Variants in TBC1D12 observed in about 807,000 individuals in gnomAD.
TBC1D12 encodes TBC1 domain family, member 12.
TBC1D12 carries 56 observed loss-of-function variants against 86.7 expected under a neutral mutation model. The ratio of observed to expected loss-of-function variants is 0.65; its 90% CI spans 0.52 to 0.81. The LOEUF (loss-of-function observed/expected upper bound fraction) is 0.81. Ranked by LOEUF, TBC1D12 falls within the 30% of genes least tolerant of loss-of-function variation. The pLI is 0.00. For missense variants in TBC1D12, 1,023 were observed against 1,038.8 expected (o/e 0.98, Z 0.21); for synonymous variants, 421 against 411.7 (o/e 1.02, Z -0.27).
chr10:94,416,354 G>A (rs1329697591), intron 1 of TBC1D12, among the ~76,000 whole-genome samples: 1 of 152,122 alleles, frequency 6.6e-6, no homozygotes, highest in East Asian at 1.9e-4. Context: ...TTTGGAGCTT[G>A]GTTTTCTCAA....
At chr10:94,449,236 T>G (rs1484738953) in intron 2 of TBC1D12, among the ~76,000 whole-genome samples, 1 of 152,196 alleles carries the variant, frequency 6.6e-6, no homozygotes, top group Non-Finnish European at 1.5e-5. Context: ...TATTAAAAGT[T>G]GTATTCATCC....
chr10:94,496,344 T>G (rs1201867229), intron 4 of TBC1D12, among the ~76,000 whole-genome samples: 3 of 152,120 alleles, frequency 2.0e-5, no homozygotes, highest in African/African-American at 7.2e-5. Flanking sequence ...TTCCTCTAAC[T>G]TTTGCCTCAG....
At chr10:94,522,950 A>C (rs1842190223) in intron 11 of TBC1D12, among the ~76,000 whole-genome samples, 1 of 149,628 alleles carries the variant, frequency 6.7e-6, no homozygotes, top group Non-Finnish European at 1.5e-5. Context: ...AGGCTGAGGC[A>C]GGAGAATCGC....
In TBC1D12 at chr10:94,521,365, A is replaced by G. The variant is rs570197082; in HGVS notation, c.1762-590A>G. Among the ~76,000 whole-genome samples, 4 of 152,226 alleles carry G rather than the reference A, an allele frequency of 2.6e-5. No homozygotes were observed. In the South Asian group the frequency reaches 8.3e-4, roughly 32 times the overall value. On this transcript the variant is annotated intron_variant, in intron 9 of 12. Transcript: ENST00000225235. ...CATAAACACATCCTACCTTCTCTAA[A>G]TGCCTTTCCTTACTCCAGCTGAGCT...
At chr10:94,505,593 A>G (rs1008694815) in intron 6 of TBC1D12, among the ~76,000 whole-genome samples, 8 of 152,124 alleles carry the variant, frequency 5.3e-5, no homozygotes, top group African/African-American at 1.9e-4. Flanking sequence ...AAGAAGAAGA[A>G]TAGGAATTCT....
In TBC1D12 at chr10:94,437,332, C is replaced by CT. The variant is rs767605698; in HGVS notation, c.972-4553dup. Among the ~76,000 whole-genome samples the CT allele has an allele frequency of 4.5e-3, 661 of 145,558 alleles. 1 individual carries two copies. The highest frequency in any genetic ancestry group is 0.013 in the African/African-American group (503 of 40,004). ...GATTTGGGAAGTTTTTGGTTATTTT[C>CT]TTTTTTTTTTTGAGACAGAGTCTCG... On this transcript the variant is annotated intron_variant, in intron 1 of 12. Transcript: ENST00000225235.
chr10:94,435,841 G>T (rs531751729), intron 1 of TBC1D12, among the ~76,000 whole-genome samples: 1 of 152,246 alleles, frequency 6.6e-6, no homozygotes, highest in South Asian at 2.1e-4. Context: ...GATACATTGG[G>T]AACTGACTGT....
intron 2 of TBC1D12, among the ~76,000 whole-genome samples, chr10:94,464,312 T>C (rs1443271789): frequency 1.3e-5 from 2 of 152,224 alleles, no homozygotes; most frequent in African/African-American, 4.8e-5. Context: ...TCTTTCACTT[T>C]TTTTTTCTCC....
intron 1 of TBC1D12, among the ~76,000 whole-genome samples, chr10:94,434,117 G>A (rs1461883407): frequency 6.6e-6 from 1 of 152,138 alleles, no homozygotes; most frequent in Non-Finnish European, 1.5e-5. Flanking sequence ...ATCCATTTTG[G>A]TTCAAGTAAG....
chr10:94,406,692 A>G (rs1430092505), intron 1 of TBC1D12, among the ~76,000 whole-genome samples: 1 of 152,176 alleles, frequency 6.6e-6, no homozygotes, highest in Non-Finnish European at 1.5e-5. Context: ...AAGAGATCCA[A>G]CCCTACCCCT....
intron 9 of TBC1D12, among the ~76,000 whole-genome samples, chr10:94,511,954 A>G (rs1209893951): frequency 6.6e-6 from 1 of 152,092 alleles, no homozygotes; most frequent in African/African-American, 2.4e-5. Flanking sequence ...CTTTTCCATG[A>G]CTGTGCCTCT....
intron 3 of TBC1D12, among the ~76,000 whole-genome samples, chr10:94,476,982 C>A (rs2134149915): frequency 6.6e-6 from 1 of 152,320 alleles, no homozygotes; most frequent in East Asian, 1.9e-4. Flanking sequence ...TACACACAAA[C>A]AATTCCTTGA....
chr10:94,473,130 G>A (rs560029196), intron 2 of TBC1D12, among the ~76,000 whole-genome samples: 4 of 151,968 alleles, frequency 2.6e-5, no homozygotes, highest in African/African-American at 9.6e-5. Context: ...TCAGGTGGGC[G>A]GGTCACAAGT....
chr10:94,416,201 T>A lies in TBC1D12; in HGVS notation c.971+12617T>A, dbSNP rs2054995544. Among the ~76,000 whole-genome samples, 3 of 152,242 alleles carry A rather than the reference T, an allele frequency of 2.0e-5. No homozygotes were observed. The South Asian group carries it at 6.2e-4, about 31-fold the overall frequency. ...TATCATGCATATCATCAGTTCAGGA[T>A]GTACTTCTACGTCAGACATGAGCAA... On this transcript the variant is annotated intron_variant, in intron 1 of 12. Transcript: ENST00000225235.
chr10:94,497,664 C>T (rs1481169482), intron 5 of TBC1D12, among the ~76,000 whole-genome samples: 19 of 148,548 alleles, frequency 1.3e-4, no homozygotes, highest in Non-Finnish European at 2.1e-4. Flanking sequence ...GGACTACAGG[C>T]GCCTGCCACC....
At chr10:94,422,535 T>G (rs1486340149) in intron 1 of TBC1D12, among the ~76,000 whole-genome samples, 8 of 152,264 alleles carry the variant, frequency 5.3e-5, no homozygotes, top group Admixed American at 5.2e-4. Context: ...GCTACCTTAT[T>G]TATTTTTTCT....
intron 12 of TBC1D12, 144 bp downstream of exon 12, chr10:94,531,604 C>A: frequency 1.5e-6 from 1 of 652,200 alleles, no homozygotes; most frequent in Non-Finnish European, 2.2e-6. Context: ...GAGTTTAAAT[C>A]AAATTGCCCA....
chr10:94,437,765 A>G lies in TBC1D12; in HGVS notation c.972-4131A>G, dbSNP rs192182010. ...AGTGGACAGTTTCAATTTTCTTATCATCATATTTGCCAGCTCTTTCTTCTG... is the reference window on the plus strand; with the variant it reads ...AGTGGACAGTTTCAATTTTCTTATCGTCATATTTGCCAGCTCTTTCTTCTG... On this transcript the variant is annotated intron_variant, in intron 1 of 12. Transcript: ENST00000225235. Among the ~76,000 whole-genome samples the G allele has an allele frequency of 2.4e-3, 368 of 151,846 alleles. 1 individual carries two copies. The highest frequency in any genetic ancestry group is 2.9e-3 in the Non-Finnish European group (197 of 67,970).
chr10:94,402,558 A>C lies in TBC1D12; in HGVS notation c.-56A>C. 2.5e-6 allele frequency: 4 copies of C among 1,592,476 alleles called. No homozygotes were observed. The Admixed American group carries it at 6.9e-5, about 27-fold the overall frequency. On this transcript the variant is annotated 5_prime_UTR_variant, in exon 1 of 13. Transcript: ENST00000225235. ...CAGCACCCAGAGCTGTTCTCTGGCC[A>C]AGCCTGCGCCTGTAGTCCTTCTTTG...
Sources: allele counts gnomAD v4.1 joint callset (sites outside exome capture counted in the v4.1 genomes callset), GRCh38; gene constraint gnomAD v4.1.1; transcripts MANE v1.5; gene names NCBI Gene and HGNC (gene_info 2026-07-23, HGNC 2026-07-21).